ENOX1: variants seen among roughly 807,000 people sequenced by gnomAD.
The protein encoded by ENOX1 is ecto-NOX disulfide-thiol exchanger 1, also known as candidate growth-related and time keeping constitutive hydroquinone (NADH) oxidase.
A neutral mutation model predicts 82.5 loss-of-function variants in ENOX1; 42 were observed. That is an observed-to-expected ratio of 0.51 (90% CI 0.40 to 0.66). ENOX1 has a LOEUF of 0.66. Ranked by LOEUF, ENOX1 falls within the 30% of genes least tolerant of loss-of-function variation. The pLI is 0.00. For synonymous variants in ENOX1, 271 were observed against 282.2 expected (o/e 0.96, Z 0.40); for missense variants, 608 against 811.6 (o/e 0.75, Z 3.05).
intron 2 of ENOX1, among the ~76,000 whole-genome samples, chr13:43,512,513 CA>C (rs779141624): frequency 5.3e-5 from 8 of 151,978 alleles, no homozygotes; most frequent in Non-Finnish European, 7.4e-5. Context: ...AACTTGCCAG[CA>C]CTATTCCAGA....
chr13:43,282,847 C>T (rs1593694991), intron 12 of ENOX1, among the ~76,000 whole-genome samples: 1 of 150,852 alleles, frequency 6.6e-6, no homozygotes, highest in Non-Finnish European at 1.5e-5. Flanking sequence ...AATCCCAGCA[C>T]TTTGGGAGGC....
intron 9 of ENOX1, among the ~76,000 whole-genome samples, chr13:43,342,579 G>A (rs1002320359): frequency 2.6e-5 from 4 of 152,094 alleles, no homozygotes; most frequent in African/African-American, 9.7e-5. Flanking sequence ...TCCTTCTCAG[G>A]GAGTGATGAG....
chr13:43,630,874 C>CACACACACACACACACAT (rs768788507), intron 2 of ENOX1, among the ~76,000 whole-genome samples: 1 of 144,558 alleles, frequency 6.9e-6, no homozygotes, highest in Admixed American at 7.0e-5. Context: ...CACACACACA[C>CACACACACACACACACAT]ATATATATAC....
chr13:43,448,854 G>A (rs2153629212), intron 3 of ENOX1, among the ~76,000 whole-genome samples: 1 of 152,310 alleles, frequency 6.6e-6, no homozygotes, highest in African/African-American at 2.4e-5. Flanking sequence ...CTAAAAGGAC[G>A]CAACTGAGTT....
rs118013565 is a variant in ENOX1 at position 43,634,579 on chromosome 13, C to A, written c.-219+32900G>T. Among the ~76,000 whole-genome samples, 149 of 152,298 alleles carry A rather than the reference C, an allele frequency of 9.8e-4. 2 individuals carry two copies. In the East Asian group the frequency reaches 0.028, roughly 29 times the overall value. On this transcript the variant is annotated intron_variant, in intron 2 of 16. Transcript: ENST00000690772. Reference sequence around the variant, plus strand: ...TACCCACAGGAGACGGCTGCCCAGGCTTTCTAACTGCTACAGAAATCCAGT... The same window carrying A: ...TACCCACAGGAGACGGCTGCCCAGGATTTCTAACTGCTACAGAAATCCAGT...
intron 2 of ENOX1, among the ~76,000 whole-genome samples, chr13:43,590,376 A>T (rs2081189719): frequency 6.6e-6 from 1 of 152,220 alleles, no homozygotes; most frequent in South Asian, 2.1e-4. Context: ...GAGAAGGAAC[A>T]CATTACAATT....
At position 43,450,809 on chromosome 13, in the gene ENOX1, G is replaced by C. The variant is rs188673246; in HGVS notation, c.-75+33200C>G. 6.6e-5 allele frequency among the ~76,000 whole-genome samples: 10 copies of C among 152,184 alleles called. No individual in the cohort carries two copies. The East Asian group carries it at 1.7e-3, about 26-fold the overall frequency. ...ATGGGCAAGATGTTTGCTATCTCTAGGTATCAGCTGACCCAGGAAGGTTTA... is the reference window on the plus strand; with the variant it reads ...ATGGGCAAGATGTTTGCTATCTCTACGTATCAGCTGACCCAGGAAGGTTTA... On this transcript the variant is annotated intron_variant, in intron 3 of 16. Transcript: ENST00000690772.
At chr13:43,301,005 A>G (rs2046545490) in intron 11 of ENOX1, among the ~76,000 whole-genome samples, 1 of 152,236 alleles carries the variant, frequency 6.6e-6, no homozygotes, top group Non-Finnish European at 1.5e-5. Context: ...TCCGTTTACC[A>G]AGCCATAAGG....
intron 2 of ENOX1, among the ~76,000 whole-genome samples, chr13:43,620,754 T>C (rs2082690137): frequency 1.3e-5 from 2 of 152,214 alleles, no homozygotes; most frequent in Non-Finnish European, 2.9e-5. Context: ...TATATATCTG[T>C]TAAGTCCATT....
intron 2 of ENOX1, among the ~76,000 whole-genome samples, chr13:43,566,791 A>T (rs2079941040): frequency 6.6e-6 from 1 of 152,104 alleles, no homozygotes. Flanking sequence ...AATTTACTGA[A>T]TTATATTCTA....
intron 3 of ENOX1, among the ~76,000 whole-genome samples, chr13:43,452,214 T>C (rs1206561114): frequency 6.6e-6 from 1 of 152,180 alleles, no homozygotes; most frequent in Non-Finnish European, 1.5e-5. Flanking sequence ...GGTGGTTTGC[T>C]GCATCCATCA....
chr13:43,344,798 T>C, intron 8 of ENOX1, 48 bp from the exon 9 acceptor site: 1 of 1,561,800 alleles, frequency 6.4e-7, no homozygotes, highest in Non-Finnish European at 8.8e-7. Context: ...GATGAGAAAA[T>C]ACACTTTATT....
At chr13:43,410,625 TACACACACAC>T (rs60371956) in intron 5 of ENOX1, among the ~76,000 whole-genome samples, 1 of 146,834 alleles carries the variant, frequency 6.8e-6, no homozygotes, top group East Asian at 2.0e-4. Context: ...TACACACATG[TACACACACAC>T]ACACACACAC....
intron 2 of ENOX1, among the ~76,000 whole-genome samples, chr13:43,665,933 T>C (rs1483502800): frequency 6.7e-6 from 1 of 149,322 alleles, no homozygotes; most frequent in Non-Finnish European, 1.5e-5. Context: ...CTAGATGCTT[T>C]AGGGTTATCT....
At chr13:43,577,128 ATT>A (rs35269534) in intron 2 of ENOX1, among the ~76,000 whole-genome samples, 1,773 of 150,372 alleles carry the variant, frequency 0.012, 39 homozygotes, top group African/African-American at 0.039. Context: ...TGATAAAAAT[ATT>A]TTTTTTTTTC....
At chr13:43,502,823 T>G (rs1006551149) in intron 2 of ENOX1, among the ~76,000 whole-genome samples, 4 of 151,522 alleles carry the variant, frequency 2.6e-5, no homozygotes, top group African/African-American at 9.7e-5. Context: ...ACCATTTCTA[T>G]TCAAATGAGT....
intron 5 of ENOX1, among the ~76,000 whole-genome samples, chr13:43,370,665 T>C (rs1433738104): frequency 1.3e-5 from 2 of 152,232 alleles, no homozygotes; most frequent in African/African-American, 4.8e-5. Flanking sequence ...TAAGTAACTT[T>C]AGGGCTTGGT....
chr13:43,328,359 T>C (rs1255063718), intron 9 of ENOX1, among the ~76,000 whole-genome samples: 1 of 152,184 alleles, frequency 6.6e-6, no homozygotes, highest in Non-Finnish European at 1.5e-5. Flanking sequence ...GGGGTGGTGA[T>C]CAAGAGGTTA....
rs111302677 is a variant in ENOX1, at chr13:43,760,211, AC to A, written c.-285+26440del. On this transcript the variant is annotated intron_variant, in intron 1 of 16. Transcript: ENST00000690772. ...TGAAAGAATATCCTGGTCTAAGTGC[AC>A]TTTGTAGAAGGCTAGAATGTATCAC... Among the ~76,000 whole-genome samples, 440 of 152,330 alleles carry A rather than the reference AC, an allele frequency of 2.9e-3. 4 individuals are homozygous for A. The highest frequency in any genetic ancestry group is 0.01 in the African/African-American group (422 of 41,568).
Sources: allele counts gnomAD v4.1 joint callset (sites outside exome capture counted in the v4.1 genomes callset), GRCh38; gene constraint gnomAD v4.1.1; transcripts MANE v1.5; gene names NCBI Gene and HGNC (gene_info 2026-07-23, HGNC 2026-07-21).